EYA1: variants seen among roughly 807,000 people sequenced by gnomAD.
EYA1 encodes protein phosphatase EYA1.
EYA1 carries 16 observed loss-of-function variants against 82.0 expected under a neutral mutation model. The ratio of observed to expected loss-of-function variants is 0.20; its 90% CI spans 0.13 to 0.30. EYA1 has a LOEUF of 0.30. EYA1 is among the 10% of genes least tolerant of loss of function. EYA1 has a pLI of 1.00. For missense variants in EYA1, 633 were observed against 730.7 expected, an observed-to-expected ratio of 0.87 and a Z score of 1.54; for synonymous variants, 261 against 264.4, an observed-to-expected ratio of 0.99 and a Z score of 0.12.
At chr8:71,271,006 G>C (rs1222467958) in intron 10 of EYA1, among the ~76,000 whole-genome samples, 6 of 152,234 alleles carry the variant, frequency 3.9e-5, no homozygotes, top group African/African-American at 1.4e-4. Flanking sequence ...AGCTACTCGG[G>C]AGGCTGGGGC....
At chr8:71,461,857 G>C (rs561172993) in intron 2 of EYA1, among the ~76,000 whole-genome samples, 2 of 152,258 alleles carry the variant, frequency 1.3e-5, no homozygotes, top group African/African-American at 4.8e-5. Context: ...TCCTAGCAGA[G>C]AGAGTAGCTC....
chr8:71,282,965 A>T (rs1241239580), intron 9 of EYA1, among the ~76,000 whole-genome samples: 1 of 136,806 alleles, frequency 7.3e-6, no homozygotes, highest in Non-Finnish European at 1.6e-5. Context: ...GCCTTGTTGC[A>T]ACTTATTCTC....
At chr8:71,470,041 CAG>C (rs1469882223) in intron 2 of EYA1, among the ~76,000 whole-genome samples, 1 of 151,952 alleles carries the variant, frequency 6.6e-6, no homozygotes, top group East Asian at 1.9e-4. Context: ...TTAAATTTGC[CAG>C]AGTCAGTAGC....
At chr8:71,530,911 A>G (rs961715346) in intron 2 of EYA1, 1 of 152,222 alleles carries the variant, frequency 6.6e-6, no homozygotes, top group African/African-American at 2.4e-5. Flanking sequence ...AAATTAGTCC[A>G]CAAAGATCTA....
At chr8:71,298,725 G>T (rs959733049) in intron 9 of EYA1, among the ~76,000 whole-genome samples, 1 of 152,122 alleles carries the variant, frequency 6.6e-6, no homozygotes, top group Admixed American at 6.5e-5. Context: ...TGCTCTATAT[G>T]TGGTGCCAAT....
intron 2 of EYA1, among the ~76,000 whole-genome samples, chr8:71,414,504 G>C (rs73687703): frequency 0.092 from 13,967 of 152,182 alleles, 1,881 homozygotes; most frequent in African/African-American, 0.3. Context: ...AGAGCTAGAG[G>C]TTTATCACCC....
intron 2 of EYA1, among the ~76,000 whole-genome samples, chr8:71,494,490 T>G (rs1250447985): frequency 6.6e-6 from 1 of 152,232 alleles, no homozygotes; most frequent in Non-Finnish European, 1.5e-5. Flanking sequence ...GCATTCATAT[T>G]ACTCTTATGG....
intron 2 of EYA1, among the ~76,000 whole-genome samples, chr8:71,385,020 A>AT (rs1460261710): frequency 1.3e-5 from 2 of 151,688 alleles, no homozygotes; most frequent in East Asian, 1.9e-4. Flanking sequence ...TTTATTTTTT[A>AT]TTTTTTTGAG....
intron 7 of EYA1, among the ~76,000 whole-genome samples, chr8:71,310,753 T>A (rs1821249354): frequency 6.6e-6 from 1 of 151,832 alleles, no homozygotes; most frequent in Admixed American, 6.6e-5. Context: ...CATTCCAAAT[T>A]CATTTCCCCA....
At chr8:71,543,034 G>A (rs1815273400) in intron 1 of EYA1, among the ~76,000 whole-genome samples, 1 of 151,968 alleles carries the variant, frequency 6.6e-6, no homozygotes. Flanking sequence ...AGTTTCCTTT[G>A]CTGTGCAGAA....
At chr8:71,407,272 GA>G (rs1233296107) in intron 2 of EYA1, among the ~76,000 whole-genome samples, 46 of 137,636 alleles carry the variant, frequency 3.3e-4, no homozygotes, top group African/African-American at 1.2e-3. Flanking sequence ...CAAAGATGGG[GA>G]AAAAACAGAA....
upstream of EYA1, chr8:71,362,312 G>A: frequency 3.7e-5 from 22 of 590,106 alleles, no homozygotes; most frequent in Non-Finnish European, 4.5e-5. Flanking sequence ...GTAAATGAAC[G>A]CGCCCCACGC....
intron 10 of EYA1, among the ~76,000 whole-genome samples, chr8:71,270,761 C>T (rs1378346615): frequency 6.6e-6 from 1 of 152,184 alleles, no homozygotes; most frequent in Non-Finnish European, 1.5e-5. Flanking sequence ...TAGATGATTA[C>T]TATTTCAGTT....
At chr8:71,302,848 C>A (rs1820346991) in intron 7 of EYA1, among the ~76,000 whole-genome samples, 1 of 141,996 alleles carries the variant, frequency 7.0e-6, no homozygotes, top group African/African-American at 2.5e-5. Context: ...CTCTAATGTG[C>A]ATGACTGATC....
intron 7 of EYA1, among the ~76,000 whole-genome samples, chr8:71,311,547 A>G (rs1164963667): frequency 1.3e-5 from 2 of 152,230 alleles, no homozygotes; most frequent in African/African-American, 2.4e-5. Context: ...AGCTTTGTCA[A>G]TGGTGTGTGA....
chr8:71,297,527 G>A (rs1819722470), intron 9 of EYA1, among the ~76,000 whole-genome samples: 1 of 152,082 alleles, frequency 6.6e-6, no homozygotes, highest in South Asian at 2.1e-4. Context: ...AAAGAGGTTT[G>A]CTACATCTCA....
chr8:71,420,763 A>G lies in EYA1; in HGVS notation c.34-64252T>C, dbSNP rs977695363. Among the ~76,000 whole-genome samples the G allele has an allele frequency of 7.9e-5, 12 of 152,274 alleles. No individual in the cohort carries two copies. In the South Asian group the frequency reaches 1.9e-3, roughly 24 times the overall value. On this transcript the variant is annotated intron_variant, in intron 2 of 18. Coordinates refer to the EYA1 transcript ENST00000643681. Reference sequence around the variant, plus strand: ...AAATTGTAGTCTAAGTAGTTATCTCAGTTACAGGTGATCAGTTATGAATTA... The same window carrying G: ...AAATTGTAGTCTAAGTAGTTATCTCGGTTACAGGTGATCAGTTATGAATTA...
chr8:71,261,197 C>T (rs1251839085), intron 11 of EYA1, among the ~76,000 whole-genome samples: 1 of 152,078 alleles, frequency 6.6e-6, no homozygotes, highest in South Asian at 2.1e-4. Context: ...AAACACATAA[C>T]CAAAAGTGTT....
chr8:71,419,154 T>C (rs1831012263), intron 2 of EYA1, among the ~76,000 whole-genome samples: 1 of 152,142 alleles, frequency 6.6e-6, no homozygotes, highest in South Asian at 2.1e-4. Flanking sequence ...CATGGCATAA[T>C]GATTCTTTTC....
Sources: gnomAD v4.1 joint callset for allele counts (sites outside exome capture counted in the v4.1 genomes callset) on GRCh38, gnomAD v4.1.1 for gene constraint, MANE v1.5 for transcripts, NCBI Gene and HGNC (gene_info 2026-07-23, HGNC 2026-07-21) for gene names.